Variants in PRKCA observed in about 807,000 individuals in gnomAD.
PRKCA encodes the protein protein kinase C alpha.
Under a neutral mutation model 87.0 loss-of-function variants are expected in PRKCA, and 27 were observed. The observed-to-expected ratio is 0.31, with a 90% CI of 0.23 to 0.43. PRKCA has a LOEUF of 0.43. PRKCA is among the 20% of genes least tolerant of loss of function. The pLI is 1.00. For synonymous variants in PRKCA, 329 were observed against 311.1 expected, an observed-to-expected ratio of 1.06 and a Z score of -0.61; for missense variants, 518 against 852.3, an observed-to-expected ratio of 0.61 and a Z score of 4.88.
chr17:66,763,442 G>A (rs938530604), intron 13 of PRKCA, among the ~76,000 whole-genome samples: 7 of 152,190 alleles, frequency 4.6e-5, no homozygotes, highest in African/African-American at 9.6e-5. Flanking sequence ...AAACGTTCAG[G>A]CCTGTCTTCT....
chr17:66,752,424 A>G (rs1432970091), intron 13 of PRKCA, among the ~76,000 whole-genome samples: 2 of 152,126 alleles, frequency 1.3e-5, no homozygotes. Flanking sequence ...GTGAAACCCC[A>G]TCTCCACTAA....
intron 8 of PRKCA, among the ~76,000 whole-genome samples, chr17:66,697,915 A>T (rs2144078106): frequency 6.6e-6 from 1 of 152,296 alleles, no homozygotes; most frequent in African/African-American, 2.4e-5. Context: ...GTATTTCAGG[A>T]CACCATCCTA....
rs1015294322 is a variant in PRKCA at position 66,450,769 on chromosome 17, T to C, written c.206-45432T>C. ...ACCAGCTCATGCTGTTCTGATGTTTTGGTTACGCAATCATGGGCCCCTGTA... is the reference window on the plus strand; with the variant it reads ...ACCAGCTCATGCTGTTCTGATGTTTCGGTTACGCAATCATGGGCCCCTGTA... On this transcript the variant is annotated intron_variant, in intron 2 of 16. Coordinates refer to ENST00000413366, the MANE Select transcript of PRKCA (RefSeq NM_002737.3). Among the ~76,000 whole-genome samples, 3 of 133,244 alleles carry C rather than the reference T, an allele frequency of 2.3e-5. No individual in the cohort carries two copies. In the Admixed American group the frequency reaches 2.4e-4, roughly 11 times the overall value. 87.4% of individuals were successfully genotyped at this position (133,244 alleles called of 152,430 possible). A position where few individuals can be genotyped will look rare whatever the true frequency, so the allele number is the denominator to read the frequency against.
chr17:66,625,954 A>G (rs1970842571), intron 3 of PRKCA, among the ~76,000 whole-genome samples: 1 of 152,204 alleles, frequency 6.6e-6, no homozygotes, highest in Admixed American at 6.5e-5. Flanking sequence ...ATGAAACCTC[A>G]TTGAAAGTTA....
chr17:66,378,443 AATG>A (rs886140391), intron 2 of PRKCA, among the ~76,000 whole-genome samples: 1 of 152,190 alleles, frequency 6.6e-6, no homozygotes, highest in African/African-American at 2.4e-5. Context: ...CACGGAATTG[AATG>A]ACTATTAATA....
At chr17:66,321,214 G>A (rs1228463759) in intron 2 of PRKCA, among the ~76,000 whole-genome samples, 1 of 152,134 alleles carries the variant, frequency 6.6e-6, no homozygotes, top group Non-Finnish European at 1.5e-5. Flanking sequence ...AGGTTTCTGA[G>A]TTGCTTTAAA....
At chr17:66,582,736 G>A (rs116682876) in intron 3 of PRKCA, among the ~76,000 whole-genome samples, 2,350 of 152,212 alleles carry the variant, frequency 0.015, 70 homozygotes, top group African/African-American at 0.053. Flanking sequence ...TCCCCTAGTG[G>A]CCACCAGGAT....
chr17:66,458,051 A>T (rs759345573), intron 2 of PRKCA, among the ~76,000 whole-genome samples: 9 of 152,202 alleles, frequency 5.9e-5, no homozygotes, highest in African/African-American at 2.2e-4. Context: ...GCAACCTGAC[A>T]TAAGGAGTAT....
chr17:66,718,268 C>T (rs1269075799), intron 8 of PRKCA, among the ~76,000 whole-genome samples: 3 of 152,144 alleles, frequency 2.0e-5, no homozygotes, highest in East Asian at 1.9e-4. Flanking sequence ...TGGCTTTGCC[C>T]ACACATGGTA....
chr17:66,594,742 A>G (rs1969921325), intron 3 of PRKCA, among the ~76,000 whole-genome samples: 1 of 152,172 alleles, frequency 6.6e-6, no homozygotes, highest in Admixed American at 6.5e-5. Flanking sequence ...TCTCTACCAC[A>G]CGGGGCCCAG....
chr17:66,457,900 G>C (rs1227235378), intron 2 of PRKCA, among the ~76,000 whole-genome samples: 1 of 152,160 alleles, frequency 6.6e-6, no homozygotes, highest in Non-Finnish European at 1.5e-5. Flanking sequence ...CACTAGCTGA[G>C]TGTGCTGCTG....
intron 3 of PRKCA, among the ~76,000 whole-genome samples, chr17:66,593,030 T>C (rs2143550045): frequency 6.6e-6 from 1 of 152,284 alleles, no homozygotes; most frequent in Non-Finnish European, 1.5e-5. Context: ...GACCTCATGA[T>C]CCACCCGCCT....
chr17:66,439,750 T>C (rs1231227214), intron 2 of PRKCA, among the ~76,000 whole-genome samples: 5 of 152,238 alleles, frequency 3.3e-5, no homozygotes, highest in Non-Finnish European at 7.3e-5. Context: ...GCGCATGGTC[T>C]TTTGCTGATG....
At chr17:66,782,754 G>A (rs542563338) in intron 14 of PRKCA, among the ~76,000 whole-genome samples, 4 of 152,340 alleles carry the variant, frequency 2.6e-5, no homozygotes, top group Non-Finnish European at 5.9e-5. Context: ...GGGTGGGGCT[G>A]TAGCCGAGTA....
At chr17:66,664,403 C>T (rs114126423) in intron 5 of PRKCA, among the ~76,000 whole-genome samples, 113 of 152,240 alleles carry the variant, frequency 7.4e-4, no homozygotes, top group African/African-American at 2.6e-3. Flanking sequence ...TGAGGCTGTG[C>T]ATTTGGTTTA....
At chr17:66,708,169 C>T (rs1393003334) in intron 8 of PRKCA, among the ~76,000 whole-genome samples, 1 of 152,198 alleles carries the variant, frequency 6.6e-6, no homozygotes, top group African/African-American at 2.4e-5. Flanking sequence ...CCATAGATGT[C>T]CTTGTTCAGG....
chr17:66,770,124 T>C (rs1005319154), intron 13 of PRKCA, among the ~76,000 whole-genome samples: 6 of 152,194 alleles, frequency 3.9e-5, no homozygotes, highest in African/African-American at 1.4e-4. Context: ...ATGCAGGAAA[T>C]AGAGAATGCC....
intron 3 of PRKCA, among the ~76,000 whole-genome samples, chr17:66,613,893 G>A (rs1970444830): frequency 7.8e-6 from 1 of 128,434 alleles, no homozygotes; most frequent in Non-Finnish European, 1.6e-5. Flanking sequence ...AGGGATTCTT[G>A]TGCCTCAGCC....
chr17:66,511,543 CGG>C (rs1425379230), intron 3 of PRKCA, among the ~76,000 whole-genome samples: 7 of 151,984 alleles, frequency 4.6e-5, no homozygotes, highest in Admixed American at 3.9e-4. Flanking sequence ...TAAAACTAGA[CGG>C]GGAAGAAAAA....
Sources: gnomAD v4.1 joint callset for allele counts (sites outside exome capture counted in the v4.1 genomes callset) on GRCh38, gnomAD v4.1.1 for gene constraint, MANE v1.5 for transcripts, NCBI Gene and HGNC (gene_info 2026-07-23, HGNC 2026-07-21) for gene names.